GPATCH2L: variants seen among roughly 807,000 people sequenced by gnomAD.
The protein encoded by GPATCH2L is G-patch domain containing 2 like.
A neutral mutation model predicts 57.4 loss-of-function variants in GPATCH2L; 31 were observed. The observed-to-expected ratio is 0.54, with a 90% confidence interval of 0.41 to 0.73. The LOEUF is 0.73. Among genes scored for constraint, GPATCH2L ranks in the 30% least tolerant of loss-of-function variants. The pLI, the probability that GPATCH2L is intolerant of heterozygous loss-of-function variation, is 0.00. For missense variants in GPATCH2L, 481 were observed against 599.9 expected (o/e 0.80, Z 2.07); for synonymous variants, 199 against 210.7 (o/e 0.94, Z 0.48).
chr14:76,191,395 T>C (rs933986903), intron 8 of GPATCH2L, among the ~76,000 whole-genome samples: 4 of 152,098 alleles, frequency 2.6e-5, no homozygotes, highest in Non-Finnish European at 5.9e-5. Context: ...GGAACTGTCT[T>C]GTCAATAGGA....
At chr14:76,157,546 A>G (rs998402487) in intron 2 of GPATCH2L, among the ~76,000 whole-genome samples, 9 of 152,240 alleles carry the variant, frequency 5.9e-5, no homozygotes, top group Non-Finnish European at 1.2e-4. Context: ...TTATTCACAT[A>G]CAGATCAAAA....
intron 5 of GPATCH2L, chr14:76,175,831 G>A (rs528082398): frequency 1.3e-5 from 2 of 151,982 alleles, no homozygotes; most frequent in African/African-American, 2.4e-5. Flanking sequence ...TGGCATTCAC[G>A]CCCGTGACTT....
intron 2 of GPATCH2L, among the ~76,000 whole-genome samples, chr14:76,158,325 G>A (rs1377789943): frequency 6.6e-6 from 1 of 152,126 alleles, no homozygotes; most frequent in Non-Finnish European, 1.5e-5. Flanking sequence ...GCCCTTTGGT[G>A]CCTCTTGTTT....
chr14:76,183,762 T>TA (rs1305645446), intron 8 of GPATCH2L, among the ~76,000 whole-genome samples: 1 of 152,188 alleles, frequency 6.6e-6, no homozygotes, highest in Non-Finnish European at 1.5e-5. Context: ...TGGAACCGTC[T>TA]AGCTCCAGTG....
At chr14:76,159,981 A>G (rs922887573) in intron 2 of GPATCH2L, among the ~76,000 whole-genome samples, 1 of 152,098 alleles carries the variant, frequency 6.6e-6, no homozygotes, top group Admixed American at 6.5e-5. Context: ...AAATACAAAA[A>G]AATTAGCCTT....
At chr14:76,192,033 T>C (rs1421099471) in intron 8 of GPATCH2L, among the ~76,000 whole-genome samples, 5 of 152,118 alleles carry the variant, frequency 3.3e-5, no homozygotes, top group Admixed American at 6.6e-5. Flanking sequence ...GAACTCAATG[T>C]GTTTAACTTT....
At chr14:76,219,005 CA>C (rs572896740), downstream of GPATCH2L, among the ~76,000 whole-genome samples, 6,783 of 73,754 alleles carry the variant, frequency 0.092, 174 homozygotes, top group East Asian at 0.25. Flanking sequence ...TCTAAAAGTA[CA>C]AAAAAAAAAA....
In GPATCH2L at chr14:76,209,154, T is replaced by G. The variant is rs892620133; in HGVS notation, c.*7303T>G. Reference sequence around the variant, plus strand: ...GGAATGCTCCCTTTCCTGACCCTACTTTCCTGATTTTTCTGCCACTTCTTT... The same window carrying G: ...GGAATGCTCCCTTTCCTGACCCTACGTTCCTGATTTTTCTGCCACTTCTTT... On this transcript the variant is annotated 3_prime_UTR_variant, in exon 10 of 10. Transcript: ENST00000261530. 6.6e-6 allele frequency: 1 copy of G among 152,538 alleles called. No homozygotes were observed. Among genetic ancestry groups the G allele is most frequent in the African/African-American group, 2.4e-5 (1 of 41,466 alleles). The allele number at this position is 152,538 out of a possible 1,614,324, so 9.4% of individuals were successfully genotyped here.
intron 2 of GPATCH2L, among the ~76,000 whole-genome samples, chr14:76,166,407 C>A (rs187392797): frequency 2.0e-5 from 3 of 152,300 alleles, no homozygotes; most frequent in South Asian, 4.2e-4. Context: ...TAATAGCTTT[C>A]TAGTCCTAAA....
At chr14:76,162,284 T>G (rs2038626837) in intron 2 of GPATCH2L, among the ~76,000 whole-genome samples, 1 of 152,206 alleles carries the variant, frequency 6.6e-6, no homozygotes, top group Non-Finnish European at 1.5e-5. Context: ...TCTCAGTCCC[T>G]TTTCACATGG....
At chr14:76,167,432 C>T (rs1358749555) in intron 3 of GPATCH2L, among the ~76,000 whole-genome samples, 3 of 152,110 alleles carry the variant, frequency 2.0e-5, no homozygotes, top group Non-Finnish European at 4.4e-5. Flanking sequence ...TTTCTAAAGT[C>T]TCTTCTCACT....
intron 3 of GPATCH2L, among the ~76,000 whole-genome samples, chr14:76,167,649 A>G (rs1406739122): frequency 6.6e-6 from 1 of 152,130 alleles, no homozygotes; most frequent in Non-Finnish European, 1.5e-5. Flanking sequence ...GAGGCAGTTT[A>G]TCCTCCTGGA....
intron 3 of GPATCH2L, among the ~76,000 whole-genome samples, chr14:76,168,960 C>A (rs1299689069): frequency 1.3e-5 from 2 of 152,220 alleles, no homozygotes; most frequent in Non-Finnish European, 2.9e-5. Flanking sequence ...TCTTTTATAA[C>A]CACAGTTCTT....
At position 76,154,591 on chromosome 14, in the gene GPATCH2L, T is replaced by C; in HGVS notation, c.228T>C (p.Cys76=). Residue 76 remains cysteine (C), a synonymous_variant, in exon 2 of 10, where the codon TGT becomes TGC. Coordinates refer to ENST00000261530, the MANE Select transcript of GPATCH2L (RefSeq NM_017926.4). This position sits in a 1 kb window ranked among gnomAD's most constrained non-coding sequence, Gnocchi z 4.4. ...GTCTGGATGAGGCCACTAAGGACTG[T>C]CGAGAAGTGGCTCCGGTGACCAATT... ...ESSLDEATKD[C]REVAPVTNFS... is the part of the protein sequence containing the mutation. The C allele has an allele frequency of 6.2e-7, 1 of 1,614,232 alleles. No homozygotes were observed. The highest frequency in any genetic ancestry group is 8.5e-7 in the Non-Finnish European group (1 of 1,180,042).
chr14:76,167,910 C>T (rs991355078), intron 3 of GPATCH2L, among the ~76,000 whole-genome samples: 2 of 152,200 alleles, frequency 1.3e-5, no homozygotes, highest in Admixed American at 1.3e-4. Context: ...AAATGCACCT[C>T]TTAAAGGCTA....
intron 1 of GPATCH2L, among the ~76,000 whole-genome samples, chr14:76,224,821 C>T (rs2040529937): frequency 2.0e-5 from 3 of 151,934 alleles, no homozygotes; most frequent in South Asian, 2.1e-4. Context: ...GTTTACTCTA[C>T]AAAAATCAAT....
Position 76,211,906 on chromosome 14 carries a change from TCTGA to T in GPATCH2L, c.*10061_*10064del, listed in dbSNP as rs1239920689. 2 of 152,178 alleles carry T rather than the reference TCTGA, an allele frequency of 1.3e-5. No homozygotes were observed. Among genetic ancestry groups the T allele is most frequent in the Non-Finnish European group, 2.9e-5 (2 of 68,030 alleles). The allele number at this position is 152,178 out of a possible 1,614,324, so 9.4% of individuals were successfully genotyped here. On this transcript the variant is annotated 3_prime_UTR_variant, in exon 10 of 10. Coordinates refer to ENST00000261530, the MANE Select transcript of GPATCH2L (RefSeq NM_017926.4). ...GGGCCAACATTTTTCCTGAACAGCTTCTGACTGACCAGCATTTTAAATTAGGCGA... is the reference window on the plus strand; with the variant it reads ...GGGCCAACATTTTTCCTGAACAGCTTCTGACCAGCATTTTAAATTAGGCGA...
chr14:76,196,992 C>T (rs1489334706), intron 9 of GPATCH2L, among the ~76,000 whole-genome samples: 1 of 152,128 alleles, frequency 6.6e-6, no homozygotes, highest in Non-Finnish European at 1.5e-5. Context: ...TCCACATGGC[C>T]AGGCCCTGAG....
At chr14:76,218,580 A>T (rs769660982), downstream of GPATCH2L, among the ~76,000 whole-genome samples, 4 of 152,252 alleles carry the variant, frequency 2.6e-5, no homozygotes, top group Admixed American at 2.0e-4. Flanking sequence ...CATCATAAAG[A>T]TATCACTTCT....
Sources: gnomAD v4.1 joint callset for allele counts (sites outside exome capture counted in the v4.1 genomes callset) on GRCh38, gnomAD v4.1.1 for gene constraint, Gnocchi (gnomAD v3.1) non-coding constraint, MANE v1.5 for transcripts, NCBI Gene and HGNC (gene_info 2026-07-23, HGNC 2026-07-21) for gene names.